MLLT10: variants seen among roughly 807,000 people sequenced by gnomAD.
MLLT10 encodes the protein protein AF-10.
MLLT10 carries 30 observed loss-of-function variants against 129.1 expected under a neutral mutation model. The observed-to-expected ratio is 0.23, with a 90% CI of 0.17 to 0.32. MLLT10 has a LOEUF of 0.32. Ranked by LOEUF, MLLT10 falls within the 10% of genes least tolerant of loss-of-function variation. The pLI is 1.00. For missense variants in MLLT10, 1,119 were observed against 1,268.3 expected (o/e 0.88, Z 1.79); for synonymous variants, 490 against 446.4 (o/e 1.10, Z -1.23).
intron 3 of MLLT10, among the ~76,000 whole-genome samples, chr10:21,543,582 G>A (rs543858806): frequency 1.3e-5 from 2 of 152,142 alleles, no homozygotes; most frequent in Non-Finnish European, 2.9e-5. Context: ...GGGTTCAAGC[G>A]ATTCTCCTGC....
At position 21,741,998 on chromosome 10, in the gene MLLT10, C is replaced by A; in HGVS notation, c.*15C>A. 12 of 1,611,772 alleles carry A rather than the reference C, an allele frequency of 7.4e-6. No individual in the cohort carries two copies. The highest frequency in any genetic ancestry group is 8.5e-6 in the Non-Finnish European group (10 of 1,179,388). ...AGAAAAGTTGACACCTGAGAAACATCTAGAAATTGCCTATCCTGCTGTTCT... is the reference window on the plus strand; with the variant it reads ...AGAAAAGTTGACACCTGAGAAACATATAGAAATTGCCTATCCTGCTGTTCT... On this transcript the variant is annotated 3_prime_UTR_variant, in exon 23 of 23. Coordinates refer to ENST00000307729, the MANE Select transcript of MLLT10 (RefSeq NM_001195626.3).
Position 21,580,179 on chromosome 10 carries a change from C to T in MLLT10, c.241-6115C>T, listed in dbSNP as rs1320401373. ...GACTGCAGACTGGTGCTGCCACGCT[C>T]GGCTTATAGTTTCTTTTTTATTGTT... On this transcript the variant is annotated intron_variant, in intron 3 of 22. Coordinates refer to ENST00000307729, the MANE Select transcript of MLLT10 (RefSeq NM_001195626.3). 2.6e-5 allele frequency among the ~76,000 whole-genome samples: 4 copies of T among 151,244 alleles called. No homozygotes were observed. In the East Asian group the frequency reaches 5.8e-4, roughly 22 times the overall value.
At chr10:21,534,838 C>G in intron 2 of MLLT10, 34 bp downstream of exon 2, 3 of 1,535,554 alleles carry the variant, frequency 2.0e-6, no homozygotes, top group Non-Finnish European at 1.8e-6. Flanking sequence ...GGCGCGCCGG[C>G]CTGCGCCCAA....
Position 21,549,763 on chromosome 10 carries a change from C to T in MLLT10, c.240+10851C>T, listed in dbSNP as rs1025288309. Among the ~76,000 whole-genome samples, 12 of 151,516 alleles carry T rather than the reference C, an allele frequency of 7.9e-5. No individual in the cohort carries two copies. The East Asian group carries it at 1.5e-3, about 20-fold the overall frequency. On this transcript the variant is annotated intron_variant, in intron 3 of 22. Coordinates refer to ENST00000307729, the MANE Select transcript of MLLT10 (RefSeq NM_001195626.3). ...CCCGGGTTCTCCTGCCTTAGCTTCC[C>T]GAGTAGCTGGGATTACAGGTGTGTG...
chr10:21,696,168 A>G (rs1389856252), intron 13 of MLLT10, among the ~76,000 whole-genome samples: 1 of 151,098 alleles, frequency 6.6e-6, no homozygotes, highest in African/African-American at 2.4e-5. Context: ...TTTAAGTTTT[A>G]TTGCTTATTT....
chr10:21,698,066 C>T (rs904003560), intron 13 of MLLT10, among the ~76,000 whole-genome samples: 8 of 152,172 alleles, frequency 5.3e-5, no homozygotes, highest in Admixed American at 5.2e-4. Flanking sequence ...GTGTTGGCAA[C>T]ATTTCAAGTC....
intron 3 of MLLT10, among the ~76,000 whole-genome samples, chr10:21,544,779 G>A (rs1450821310): frequency 6.6e-6 from 1 of 152,204 alleles, no homozygotes; most frequent in Admixed American, 6.5e-5. Flanking sequence ...AGCAGTTGTA[G>A]TAGAGGAAGG....
chr10:21,710,563 C>G (rs139726378), intron 13 of MLLT10, among the ~76,000 whole-genome samples: 1 of 152,074 alleles, frequency 6.6e-6, no homozygotes, highest in African/African-American at 2.4e-5. Flanking sequence ...TGTAACTTAC[C>G]ATGCTTCTCA....
chr10:21,723,841 G>A (rs2057298605), intron 14 of MLLT10, among the ~76,000 whole-genome samples: 3 of 152,112 alleles, frequency 2.0e-5, no homozygotes, highest in Non-Finnish European at 4.4e-5. Flanking sequence ...CTCTACAAAA[G>A]CTATTTTTAA....
chr10:21,561,078 T>C (rs2038741983), intron 3 of MLLT10, among the ~76,000 whole-genome samples: 1 of 152,216 alleles, frequency 6.6e-6, no homozygotes, highest in Non-Finnish European at 1.5e-5. Context: ...TCATGTCCTT[T>C]TATGCACAGA....
At chr10:21,704,029 T>TTG (rs1554856192) in intron 13 of MLLT10, among the ~76,000 whole-genome samples, 114 of 138,842 alleles carry the variant, frequency 8.2e-4, no homozygotes, top group African/African-American at 2.9e-3. Context: ...TTTTTTTTTT[T>TTG]TTTTTTTTTT....
intron 8 of MLLT10, among the ~76,000 whole-genome samples, chr10:21,648,516 C>T (rs748125908): frequency 2.8e-4 from 42 of 152,172 alleles, no homozygotes; most frequent in Admixed American, 1.6e-3. Context: ...GCTCTTATAA[C>T]CTTGAAGAAC....
chr10:21,698,079 C>T, intron 13 of MLLT10, among the ~76,000 whole-genome samples: 1 of 152,174 alleles, frequency 6.6e-6, no homozygotes, highest in Non-Finnish European at 1.5e-5. Flanking sequence ...TTCAAGTCTT[C>T]TCTTCTACCT....
intron 3 of MLLT10, among the ~76,000 whole-genome samples, chr10:21,585,730 T>C (rs2041923069): frequency 6.6e-6 from 1 of 152,154 alleles, no homozygotes; most frequent in Admixed American, 6.6e-5. Context: ...TGTGTTTTTA[T>C]TAATGTAAGA....
At chr10:21,643,793 A>G (rs998718106) in intron 8 of MLLT10, among the ~76,000 whole-genome samples, 4 of 150,688 alleles carry the variant, frequency 2.7e-5, no homozygotes, top group Non-Finnish European at 5.9e-5. Flanking sequence ...TTTTTTTTCC[A>G]TTTTCATTTT....
chr10:21,731,643 G>T (rs566450417), intron 17 of MLLT10, among the ~76,000 whole-genome samples: 1 of 151,982 alleles, frequency 6.6e-6, no homozygotes, highest in Non-Finnish European at 1.5e-5. Flanking sequence ...AATAATTATT[G>T]AATTAAATCT....
intron 3 of MLLT10, among the ~76,000 whole-genome samples, chr10:21,578,077 A>AAG (rs1462671621): frequency 2.0e-5 from 3 of 150,772 alleles, no homozygotes; most frequent in African/African-American, 7.3e-5. Flanking sequence ...GTAATTTTAG[A>AAG]AGAGTTGGAG....
chr10:21,592,939 T>C (rs952127848), intron 4 of MLLT10, among the ~76,000 whole-genome samples: 2 of 152,236 alleles, frequency 1.3e-5, no homozygotes, highest in African/African-American at 4.8e-5. Flanking sequence ...TCTGATTACA[T>C]GTGTGTTAGA....
intron 13 of MLLT10, chr10:21,688,476 G>A: frequency 6.2e-7 from 1 of 1,606,586 alleles, no homozygotes; most frequent in Non-Finnish European, 8.5e-7. Flanking sequence ...AAATTAAAGT[G>A]TGTCTTTTCT....
Sources: allele counts gnomAD v4.1 joint callset (sites outside exome capture counted in the v4.1 genomes callset), GRCh38; gene constraint gnomAD v4.1.1; transcripts MANE v1.5; gene names NCBI Gene and HGNC (gene_info 2026-07-23, HGNC 2026-07-21).